The following SGCZ variants were observed in gnomAD, a reference collection of about 807,000 sequenced individuals.
SGCZ encodes the protein zeta-sarcoglycan.
In SGCZ, 40 loss-of-function variants were observed where a neutral mutation model predicts 41.3. The ratio of observed to expected loss-of-function variants is 0.97; its 90% CI spans 0.75 to 1.26. The LOEUF (loss-of-function observed/expected upper bound fraction) is 1.26. Among genes scored for constraint, SGCZ ranks in the 50% most tolerant of loss-of-function variants. The pLI is 0.00. For synonymous variants in SGCZ, 206 were observed against 137.5 expected (o/e 1.50, Z -3.49); for missense variants, 552 against 369.8 (o/e 1.49, Z -4.04).
intron 1 of SGCZ, among the ~76,000 whole-genome samples, chr8:14,895,409 G>A (rs2130749816): frequency 6.6e-6 from 1 of 152,032 alleles, no homozygotes; most frequent in East Asian, 1.9e-4. Flanking sequence ...ATCTGTGTGT[G>A]TTTTTTTGGG....
chr8:14,229,566 A>G (rs1352095971), intron 4 of SGCZ, among the ~76,000 whole-genome samples: 6 of 152,068 alleles, frequency 3.9e-5, no homozygotes, highest in Admixed American at 1.3e-4. Flanking sequence ...TTGTTAATCT[A>G]TCCTTCAAGA....
At chr8:14,944,409 T>A (rs1310806686) in intron 1 of SGCZ, among the ~76,000 whole-genome samples, 1 of 152,154 alleles carries the variant, frequency 6.6e-6, no homozygotes, top group Non-Finnish European at 1.5e-5. Context: ...CCTGTTGGAG[T>A]ATGATTTTCA....
chr8:14,644,936 G>A (rs1477707929), intron 1 of SGCZ, among the ~76,000 whole-genome samples: 1 of 96,512 alleles, frequency 1.0e-5, no homozygotes, highest in South Asian at 4.9e-4. Flanking sequence ...TAAAGCCTTT[G>A]TGTAGTTGCA....
chr8:14,186,172 C>G (rs1341200181), intron 4 of SGCZ, among the ~76,000 whole-genome samples: 2 of 152,174 alleles, frequency 1.3e-5, no homozygotes, highest in Non-Finnish European at 2.9e-5. Flanking sequence ...GAAAGCTTGG[C>G]TAACATGCCG....
At chr8:14,479,467 C>T (rs1483005568) in intron 2 of SGCZ, among the ~76,000 whole-genome samples, 1 of 152,058 alleles carries the variant, frequency 6.6e-6, no homozygotes, top group Non-Finnish European at 1.5e-5. Flanking sequence ...AAAGGTTAAC[C>T]TCCTTTGGCC....
intron 1 of SGCZ, among the ~76,000 whole-genome samples, chr8:15,125,370 T>A (rs142676041): frequency 6.6e-6 from 1 of 152,166 alleles, no homozygotes; most frequent in Non-Finnish European, 1.5e-5. Flanking sequence ...CAGACAGATA[T>A]AGCAACTTCA....
chr8:14,776,680 A>C (rs1800412862), intron 1 of SGCZ, among the ~76,000 whole-genome samples: 1 of 151,504 alleles, frequency 6.6e-6, no homozygotes, highest in Non-Finnish European at 1.5e-5. Flanking sequence ...TTTTTAGTAG[A>C]GGCGGGGTTT....
intron 1 of SGCZ, among the ~76,000 whole-genome samples, chr8:15,196,966 A>G (rs1800752018): frequency 6.6e-6 from 1 of 152,168 alleles, no homozygotes; most frequent in African/African-American, 2.4e-5. Flanking sequence ...AGACTGTATT[A>G]TTTACATGGT....
chr8:15,097,104 C>T (rs1213845733), intron 1 of SGCZ, among the ~76,000 whole-genome samples: 1 of 152,148 alleles, frequency 6.6e-6, no homozygotes, highest in East Asian at 1.9e-4. Context: ...ACATGCATCG[C>T]TGGGATCCAT....
At chr8:15,148,457 C>A (rs561138687) in intron 1 of SGCZ, among the ~76,000 whole-genome samples, 1 of 152,146 alleles carries the variant, frequency 6.6e-6, no homozygotes, top group Non-Finnish European at 1.5e-5. Flanking sequence ...GGTATTATAG[C>A]ATGACTACAC....
intron 3 of SGCZ, among the ~76,000 whole-genome samples, chr8:14,276,249 T>C (rs1009357898): frequency 6.6e-6 from 1 of 152,198 alleles, no homozygotes; most frequent in Admixed American, 6.5e-5. Context: ...TGGAATGTGG[T>C]GTGTATTTAC....
chr8:15,003,525 A>G (rs1231237919), intron 1 of SGCZ, among the ~76,000 whole-genome samples: 3 of 152,250 alleles, frequency 2.0e-5, no homozygotes, highest in Non-Finnish European at 4.4e-5. Flanking sequence ...ACTGCAAAAT[A>G]AGTTAGTCAA....
chr8:14,702,655 A>T (rs1809175173), intron 1 of SGCZ, among the ~76,000 whole-genome samples: 1 of 151,862 alleles, frequency 6.6e-6, no homozygotes, highest in African/African-American at 2.4e-5. Context: ...CAGTTGCTCA[A>T]GTCAAACACC....
At chr8:15,142,992 AG>A (rs1798935652) in intron 1 of SGCZ, among the ~76,000 whole-genome samples, 1 of 152,168 alleles carries the variant, frequency 6.6e-6, no homozygotes, top group African/African-American at 2.4e-5. Flanking sequence ...GTTAACCTAT[AG>A]TTTTGAGAAG....
intron 2 of SGCZ, among the ~76,000 whole-genome samples, chr8:14,413,409 TTC>T (rs1013958704): frequency 4.6e-5 from 7 of 152,008 alleles, no homozygotes; most frequent in African/African-American, 7.2e-5. Flanking sequence ...TGTTGCTTTA[TTC>T]TCTTTCTTCT....
chr8:14,205,429 G>C (rs770004239), intron 4 of SGCZ, among the ~76,000 whole-genome samples: 3 of 152,110 alleles, frequency 2.0e-5, no homozygotes, highest in Admixed American at 1.3e-4. Context: ...TTAATGCAGA[G>C]GTTATGTAAG....
Position 15,080,479 on chromosome 8 carries a change from GTA to G in SGCZ, c.39+157104_39+157105del, listed in dbSNP as rs539233060. On this transcript the variant is annotated intron_variant, in intron 1 of 7. Coordinates refer to ENST00000382080, the MANE Select transcript of SGCZ (RefSeq NM_139167.4). Reference sequence around the variant, plus strand: ...TGCACCCCCAACGCCAGCCTAAAATGTATATGTCTTAACCTCCAGTACCCCAA... The same window carrying G: ...TGCACCCCCAACGCCAGCCTAAAATGTATGTCTTAACCTCCAGTACCCCAA... Among the ~76,000 whole-genome samples the G allele has an allele frequency of 6.3e-3, 954 of 152,250 alleles. 7 individuals are homozygous for G. The highest frequency in any genetic ancestry group is 0.011 in the Non-Finnish European group (723 of 68,028).
intron 2 of SGCZ, among the ~76,000 whole-genome samples, chr8:14,454,798 G>T (rs570855939): frequency 1.3e-5 from 2 of 152,064 alleles, no homozygotes; most frequent in Non-Finnish European, 2.9e-5. Context: ...AGCTTTTAAC[G>T]GAGGGTGCTG....
intron 2 of SGCZ, among the ~76,000 whole-genome samples, chr8:14,332,392 G>A (rs902833452): frequency 6.6e-6 from 1 of 152,124 alleles, no homozygotes; most frequent in Non-Finnish European, 1.5e-5. Context: ...GGTGAGCCGA[G>A]ATCGCGCCAC....
Sources: allele counts gnomAD v4.1 joint callset (sites outside exome capture counted in the v4.1 genomes callset), GRCh38; gene constraint gnomAD v4.1.1; transcripts MANE v1.5; gene names NCBI Gene and HGNC (gene_info 2026-07-23, HGNC 2026-07-21).